The following PSTPIP2 variants were observed in gnomAD, a reference collection of about 807,000 sequenced individuals.
The protein encoded by PSTPIP2 is proline-serine-threonine phosphatase interacting protein 2.
A neutral mutation model predicts 63.3 loss-of-function variants in PSTPIP2; 33 were observed. That is an observed-to-expected ratio of 0.52 (90% confidence interval 0.40 to 0.70). PSTPIP2 has a LOEUF of 0.70. Among genes scored for constraint, PSTPIP2 ranks in the 30% least tolerant of loss-of-function variants. The pLI is 0.00. For synonymous variants in PSTPIP2, 125 were observed against 132.7 expected, an observed-to-expected ratio of 0.94 and a Z score of 0.40; for missense variants, 312 against 400.7, an observed-to-expected ratio of 0.78 and a Z score of 1.89.
intron 5 of PSTPIP2, among the ~76,000 whole-genome samples, chr18:46,009,944 C>T (rs1211045891): frequency 1.3e-5 from 2 of 152,206 alleles, no homozygotes; most frequent in Non-Finnish European, 2.9e-5. Flanking sequence ...AAACCTGATA[C>T]ATCAAGCTTG....
At chr18:45,985,554 G>A in intron 14 of PSTPIP2, 104 bp from the exon 15 acceptor site, 1 of 1,169,828 alleles carries the variant, frequency 8.5e-7, no homozygotes, top group Non-Finnish European at 1.2e-6. Flanking sequence ...GCAGGCCAAG[G>A]AAAACAAATG....
At chr18:46,049,008 ATGTGTG>A (rs59638072) in intron 1 of PSTPIP2, among the ~76,000 whole-genome samples, 13,393 of 136,248 alleles carry the variant, frequency 0.098, 659 homozygotes, top group East Asian at 0.17. Flanking sequence ...GAAAAAAAGC[ATGTGTG>A]TGTGTGTGTG....
chr18:46,026,647 G>T (rs969247683), intron 2 of PSTPIP2, among the ~76,000 whole-genome samples: 1 of 152,068 alleles, frequency 6.6e-6, no homozygotes, highest in Non-Finnish European at 1.5e-5. Context: ...AGGCCAAGAC[G>T]GGAGTATTGC....
At chr18:46,004,187 G>T (rs1966881233) in intron 6 of PSTPIP2, among the ~76,000 whole-genome samples, 1 of 152,180 alleles carries the variant, frequency 6.6e-6, no homozygotes, top group South Asian at 2.1e-4. Flanking sequence ...GTATTACACT[G>T]ACATCATTCC....
At chr18:46,067,666 G>A (rs1196897823) in intron 1 of PSTPIP2, among the ~76,000 whole-genome samples, 1 of 152,136 alleles carries the variant, frequency 6.6e-6, no homozygotes, top group Non-Finnish European at 1.5e-5. Flanking sequence ...CCAATCCCAG[G>A]CTGCAGACTG....
intron 2 of PSTPIP2, among the ~76,000 whole-genome samples, chr18:46,037,548 C>T (rs565092947): frequency 6.6e-6 from 1 of 152,286 alleles, no homozygotes; most frequent in South Asian, 2.1e-4. Flanking sequence ...AACTTAGTCC[C>T]AGTTCCCACA....
chr18:46,048,670 A>G (rs549563172), intron 1 of PSTPIP2, among the ~76,000 whole-genome samples: 5 of 152,314 alleles, frequency 3.3e-5, no homozygotes, highest in African/African-American at 9.6e-5. Flanking sequence ...ACTCTTCAAA[A>G]ATGCTAAATT....
chr18:46,016,052 A>G, intron 3 of PSTPIP2, 115 bp from the exon 4 acceptor site: 2 of 1,243,380 alleles, frequency 1.6e-6, no homozygotes, highest in South Asian at 1.3e-5. Flanking sequence ...ACTACAGACC[A>G]ATTTTTGCCC....
intron 1 of PSTPIP2, among the ~76,000 whole-genome samples, chr18:46,050,862 C>A (rs1908558843): frequency 6.6e-6 from 1 of 151,308 alleles, no homozygotes; most frequent in African/African-American, 2.4e-5. Context: ...GAACTGTGTG[C>A]ATTCTTTTTT....
At chr18:46,071,574 C>A (rs1455897629) in intron 1 of PSTPIP2, among the ~76,000 whole-genome samples, 2 of 152,116 alleles carry the variant, frequency 1.3e-5, no homozygotes, top group African/African-American at 4.8e-5. Flanking sequence ...GCTCGGGAAA[C>A]AAGGCTGTAG....
chr18:46,001,378 C>A (rs559485732), intron 6 of PSTPIP2, among the ~76,000 whole-genome samples: 2 of 152,188 alleles, frequency 1.3e-5, no homozygotes, highest in South Asian at 4.1e-4. Context: ...TATTTGTTTG[C>A]CATTTGTATG....
At position 46,038,760 on chromosome 18, in the gene PSTPIP2, C is replaced by T. The variant is rs539932416; in HGVS notation, c.134+1187G>A. Among the ~76,000 whole-genome samples the T allele has an allele frequency of 4.1e-4, 62 of 152,340 alleles. No homozygotes were observed. In the South Asian group the frequency reaches 0.013, roughly 32 times the overall value. On this transcript the variant is annotated intron_variant, in intron 2 of 14. Coordinates refer to ENST00000409746, the MANE Select transcript of PSTPIP2 (RefSeq NM_024430.4). ...TCTTGGTTCACCCGTCCTCAGGCCT[C>T]CAGGTCCTCCAGACCTTTGGAATGG...
intron 14 of PSTPIP2, 53 bp from the exon 15 acceptor site, chr18:45,985,503 C>A: frequency 3.2e-6 from 5 of 1,575,974 alleles, no homozygotes; most frequent in Non-Finnish European, 4.4e-6. Context: ...CTTGTCAATA[C>A]TCTCTCCTAC....
At position 46,014,953 on chromosome 18, in the gene PSTPIP2, T is replaced by A. The variant is rs2051838045; in HGVS notation, c.247+950A>T. ...GATGAGGATGTTTTTCTAGGCAGAC[T>A]GAGAAGGGCTAGGACCAAGCTCTGA... is the stretch of plus-strand genomic sequence containing the variant. On this transcript the variant is annotated intron_variant, in intron 4 of 14. Transcript: ENST00000409746. 3.9e-5 allele frequency among the ~76,000 whole-genome samples: 6 copies of A among 152,176 alleles called. 1 individual carries two copies. The South Asian group carries it at 1.2e-3, about 32-fold the overall frequency.
intron 8 of PSTPIP2, 151 bp from the exon 9 acceptor site, chr18:45,997,979 G>T: frequency 1.5e-6 from 1 of 674,762 alleles, no homozygotes; most frequent in Non-Finnish European, 2.7e-6. Flanking sequence ...GGGAGTTATT[G>T]CATCTCTCAC....
chr18:46,056,756 C>T (rs1908769408), intron 1 of PSTPIP2, among the ~76,000 whole-genome samples: 1 of 151,568 alleles, frequency 6.6e-6, no homozygotes. Context: ...TATTTTGTTC[C>T]TGGAAGGGTT....
At chr18:46,051,617 G>T (rs1042046204) in intron 1 of PSTPIP2, among the ~76,000 whole-genome samples, 2 of 152,152 alleles carry the variant, frequency 1.3e-5, no homozygotes, top group African/African-American at 4.8e-5. Flanking sequence ...TCAATGTTCA[G>T]AAAGTTGGTT....
At chr18:46,053,459 C>T (rs903095313) in intron 1 of PSTPIP2, among the ~76,000 whole-genome samples, 1 of 152,176 alleles carries the variant, frequency 6.6e-6, no homozygotes, top group East Asian at 1.9e-4. Flanking sequence ...AAGTCCAATG[C>T]CTTTTCTCCT....
chr18:45,992,241 G>T, intron 10 of PSTPIP2, 39 bp from the exon 11 acceptor site: 1 of 1,497,624 alleles, frequency 6.7e-7, no homozygotes. Flanking sequence ...GAGGTATGTT[G>T]AGATCATTGT....
Sources: allele counts gnomAD v4.1 joint callset (sites outside exome capture counted in the v4.1 genomes callset), GRCh38; gene constraint gnomAD v4.1.1; transcripts MANE v1.5; gene names NCBI Gene and HGNC (gene_info 2026-07-23, HGNC 2026-07-21).